WASHC4: variants seen among roughly 807,000 people sequenced by gnomAD.
WASHC4 encodes WASH complex subunit 7.
WASHC4 carries 86 observed loss-of-function variants against 166.6 expected under a neutral mutation model. That is an observed-to-expected ratio of 0.52 (90% CI 0.43 to 0.62). WASHC4 has a LOEUF of 0.62. WASHC4 is among the 20% of genes least tolerant of loss of function. The pLI is 0.00. For missense variants in WASHC4, 1,262 were observed against 1,382.4 expected (o/e 0.91, Z 1.38); for synonymous variants, 446 against 451.6 (o/e 0.99, Z 0.16).
At chr12:105,146,969 T>A (rs1424437510) in intron 23 of WASHC4, 73 bp from the exon 24 acceptor site, 4 of 829,520 alleles carry the variant, frequency 4.8e-6, no homozygotes, top group Non-Finnish European at 8.6e-6. Flanking sequence ...TCTAAAATTT[T>A]CTTTGGATAC....
Position 105,126,388 on chromosome 12 carries a change from A to G in WASHC4, c.1038+26A>G, listed in dbSNP as rs760429793. On this transcript the variant is annotated intron_variant, in intron 12 of 32. Transcript: ENST00000332180. ...GTAAGAACTTGAAACTTATTTTTCA[A>G]TTTGAGCAGATTAAAAAGATTGCAG... is the stretch of plus-strand genomic sequence containing the variant. 5 of 1,498,586 alleles carry G rather than the reference A, an allele frequency of 3.3e-6. No homozygotes were observed. In the East Asian group the frequency reaches 9.1e-5, roughly 27 times the overall value. 92.8% of individuals were successfully genotyped at this position (1,498,586 alleles called of 1,614,324 possible).
chr12:105,109,678 A>G (rs185965854), intron 1 of WASHC4, among the ~76,000 whole-genome samples: 155 of 140,350 alleles, frequency 1.1e-3, no homozygotes, highest in Non-Finnish European at 2.0e-3. Context: ...TTTCGAGACA[A>G]GGTCTCACTC....
chr12:105,148,845 A>G, intron 24 of WASHC4: 1 of 985,264 alleles, frequency 1.0e-6, no homozygotes. Context: ...GTTGGAATTA[A>G]TCTTTTGCTA....
chr12:105,120,522 G>GT (rs752150280), intron 7 of WASHC4, 33 bp from the exon 8 acceptor site: 121 of 1,418,402 alleles, frequency 8.5e-5, no homozygotes, highest in Middle Eastern at 5.3e-4. Context: ...CAAAAAGGAA[G>GT]TTTTTTTTAA....
intron 30 of WASHC4, among the ~76,000 whole-genome samples, chr12:105,163,658 C>T (rs1884636920): frequency 6.6e-6 from 1 of 152,030 alleles, no homozygotes; most frequent in Non-Finnish European, 1.5e-5. Flanking sequence ...TGCATCGCCA[C>T]ATCTGGCTAA....
rs184631091 is a variant in WASHC4 at position 105,127,050 on chromosome 12, G to T, written c.1039-79G>T. On this transcript the variant is annotated intron_variant, in intron 12 of 32. Coordinates refer to ENST00000332180, the MANE Select transcript of WASHC4 (RefSeq NM_015275.3). The stretch of plus-strand genomic sequence containing the variant: ...TTTCTTGAAATCAGTTGTCTTCCAT[G>T]TGTATTATAGAACTTTTAAACAGCT... The T allele has an allele frequency of 1.2e-4, 135 of 1,159,056 alleles. 1 individual carries two copies. The African/African-American group carries it at 1.9e-3, about 16-fold the overall frequency. 71.8% of individuals were successfully genotyped at this position (1,159,056 alleles called of 1,614,324 possible).
rs564400157 is a variant in WASHC4 at position 105,149,373 on chromosome 12, TTTTTC to T, written c.2515-232_2515-228del. On this transcript the variant is annotated intron_variant, in intron 24 of 32. Transcript: ENST00000332180. Reference sequence around the variant, plus strand: ...TCCTATCATGAGAATATTTTCCACTTTTTTCTTTTCTTTTTTCTTTTTTAGTAAAA... The same window carrying T: ...TCCTATCATGAGAATATTTTCCACTTTTTTCTTTTTTCTTTTTTAGTAAAA... 1,596 of 1,059,164 alleles carry T rather than the reference TTTTTC, an allele frequency of 1.5e-3. 21 individuals are homozygous for T. The African/African-American group carries it at 0.026, about 17-fold the overall frequency. The allele number at this position is 1,059,164 out of a possible 1,614,324, so 65.6% of individuals were successfully genotyped here.
intron 25 of WASHC4, among the ~76,000 whole-genome samples, chr12:105,150,212 A>G (rs978298937): frequency 1.3e-5 from 2 of 152,240 alleles, no homozygotes; most frequent in Admixed American, 1.3e-4. Context: ...CAGTACATAC[A>G]GATCTGCTTC....
chr12:105,167,588 C>T lies in WASHC4; in HGVS notation c.*657C>T, dbSNP rs1884876646. The T allele has an allele frequency of 6.6e-6, 1 of 152,540 alleles. No homozygotes were observed. The highest frequency in any genetic ancestry group is 2.4e-5 in the African/African-American group (1 of 41,442). The allele number at this position is 152,540 out of a possible 1,614,324, so 9.4% of individuals were successfully genotyped here. Reference sequence around the variant, plus strand: ...TGCTTTGAGAACATTTAACCTCCAACAGCTGCTTTAAATTTAAGATTTACT... The same window carrying T: ...TGCTTTGAGAACATTTAACCTCCAATAGCTGCTTTAAATTTAAGATTTACT... On this transcript the variant is annotated 3_prime_UTR_variant, in exon 33 of 33. Coordinates refer to ENST00000332180, the MANE Select transcript of WASHC4 (RefSeq NM_015275.3).
chr12:105,138,943 T>C (rs1466939665), intron 15 of WASHC4, among the ~76,000 whole-genome samples: 1 of 152,170 alleles, frequency 6.6e-6, no homozygotes, highest in Non-Finnish European at 1.5e-5. Context: ...TGCTGTGTTT[T>C]TTCCTAATTG....
chr12:105,153,179 A>G (rs1447691652), intron 26 of WASHC4, among the ~76,000 whole-genome samples: 1 of 152,208 alleles, frequency 6.6e-6, no homozygotes, highest in East Asian at 1.9e-4. Flanking sequence ...TATTAACACC[A>G]AACAGTAAAA....
At chr12:105,110,871 TTTTC>T (rs1879619453) in intron 1 of WASHC4, among the ~76,000 whole-genome samples, 1 of 152,200 alleles carries the variant, frequency 6.6e-6, no homozygotes, top group East Asian at 1.9e-4. Flanking sequence ...GCTAGTGGCT[TTTTC>T]ATAATATGTT....
intron 26 of WASHC4, among the ~76,000 whole-genome samples, chr12:105,154,754 T>A (rs775163557): frequency 6.6e-6 from 1 of 152,214 alleles, no homozygotes; most frequent in Non-Finnish European, 1.5e-5. Flanking sequence ...GAGACCAGAT[T>A]TGAACCCAGG....
rs894294494 is a variant in WASHC4 at position 105,148,100 on chromosome 12, G to A, written c.2514+954G>A. ...AGTATTATTAAACACATTTGGAGTA[G>A]GGAATTGGGAGAAAATGGAAAGTTA... On this transcript the variant is annotated intron_variant, in intron 24 of 32. Transcript: ENST00000332180. The A allele has an allele frequency of 4.1e-6, 4 of 985,266 alleles. No individual in the cohort carries two copies. The South Asian group carries it at 1.9e-4, about 46-fold the overall frequency. The allele number at this position is 985,266 out of a possible 1,614,324, so 61.0% of individuals were successfully genotyped here.
intron 26 of WASHC4, 158 bp from the exon 27 acceptor site, chr12:105,156,568 A>G (rs1884175440): frequency 7.6e-6 from 4 of 526,958 alleles, no homozygotes; most frequent in Admixed American, 3.4e-5. Flanking sequence ...AATATGTAAC[A>G]GTTTTACTTT....
chr12:105,143,041 C>T (rs1883000068), intron 19 of WASHC4, 86 bp from the exon 20 acceptor site: 4 of 835,596 alleles, frequency 4.8e-6, no homozygotes, highest in South Asian at 2.9e-5. Flanking sequence ...GAGGTTTTGT[C>T]TTTCAAGATA....
At position 105,111,012 on chromosome 12, in the gene WASHC4, A is replaced by T. The variant is rs947935254; in HGVS notation, c.62-113A>T. Reference sequence around the variant, plus strand: ...AACTTTATTTTCAGGAAGTCCAGACATTCCAGAGTAATAATTAACAGTGCT... The same window carrying T: ...AACTTTATTTTCAGGAAGTCCAGACTTTCCAGAGTAATAATTAACAGTGCT... On this transcript the variant is annotated intron_variant, in intron 1 of 32. Transcript: ENST00000332180. The T allele has an allele frequency of 3.9e-6, 3 of 767,148 alleles. No homozygotes were observed. The Admixed American group carries it at 6.6e-5, about 17-fold the overall frequency. The allele number at this position is 767,148 out of a possible 1,614,324, so 47.5% of individuals were successfully genotyped here.
intron 2 of WASHC4, among the ~76,000 whole-genome samples, chr12:105,111,753 C>G (rs1879695977): frequency 6.6e-6 from 1 of 152,112 alleles, no homozygotes; most frequent in East Asian, 1.9e-4. Flanking sequence ...ATACATTACT[C>G]TTTCCATTTT....
chr12:105,152,496 C>T lies in WASHC4; in HGVS notation c.2758+45C>T, dbSNP rs78263426. On this transcript the variant is annotated intron_variant, in intron 26 of 32. Coordinates refer to ENST00000332180, the MANE Select transcript of WASHC4 (RefSeq NM_015275.3). ...TTGGGAAATCAGGTACAGATCCCTA[C>T]AGTCTATCTCATATATTAACTATTT... 0.015 allele frequency: 14,916 copies of T among 998,770 alleles called. 1,438 individuals are homozygous for T. In the African/African-American group the frequency reaches 0.21, roughly 14 times the overall value. 61.9% of individuals were successfully genotyped at this position (998,770 alleles called of 1,614,324 possible).
Sources: allele counts gnomAD v4.1 joint callset (sites outside exome capture counted in the v4.1 genomes callset), GRCh38; gene constraint gnomAD v4.1.1; transcripts MANE v1.5; gene names NCBI Gene and HGNC (gene_info 2026-07-23, HGNC 2026-07-21).